DMD: variants seen among roughly 807,000 people sequenced by gnomAD.
DMD encodes mutant dystrophin.
Under a neutral mutation model 330.1 loss-of-function variants are expected in DMD, and 63 were observed. That is an observed-to-expected ratio of 0.19 (90% CI 0.16 to 0.24). The LOEUF is 0.24. Ranked by LOEUF, DMD falls within the 10% of genes least tolerant of loss-of-function variation. The pLI is 1.00. For synonymous variants in DMD, 1,223 were observed against 959.8 expected (o/e 1.27, Z -5.07); for missense variants, 3,344 against 2,684.1 (o/e 1.25, Z -5.43).
At chrX:33,071,126 A>C (rs55653238) in intron 1 of DMD, among the ~76,000 whole-genome samples, 5,761 of 111,001 alleles carry the variant, frequency 0.052, 296 homozygotes, top group African/African-American at 0.15. Flanking sequence ...CAAGTTACTC[A>C]ACCTCTTTGT....
chrX:32,192,839 A>G (rs960938284), intron 44 of DMD, among the ~76,000 whole-genome samples: 3 of 112,235 alleles, frequency 2.7e-5, no homozygotes, highest in African/African-American at 9.7e-5. Context: ...TCTACAAAGT[A>G]AAATCACTGT....
chrX:33,186,213 G>A (rs2050256049), intron 1 of DMD, among the ~76,000 whole-genome samples: 1 of 111,982 alleles, frequency 8.9e-6, no homozygotes. Context: ...CTCATTCTGA[G>A]CTACTGCTTT....
intron 47 of DMD, among the ~76,000 whole-genome samples, chrX:31,929,111 GA>G (rs1163985067): frequency 4.5e-5 from 5 of 111,877 alleles, no homozygotes; most frequent in African/African-American, 1.6e-4. Flanking sequence ...ATGCAAGGTG[GA>G]AAGATGAAAA....
intron 1 of DMD, among the ~76,000 whole-genome samples, chrX:33,186,112 A>T (rs1294401800): frequency 8.9e-6 from 1 of 111,757 alleles, no homozygotes; most frequent in Non-Finnish European, 1.9e-5. Flanking sequence ...AATATCAGGG[A>T]GTCTGCTATC....
At chrX:33,278,337 T>C (rs1364080740) in intron 1 of DMD, among the ~76,000 whole-genome samples, 1 of 110,508 alleles carries the variant, frequency 9.0e-6, no homozygotes, top group Non-Finnish European at 1.9e-5. Context: ...CCTTCCTCCC[T>C]CCCCTCGATT....
chrX:33,004,598 T>C (rs909062109), intron 2 of DMD, among the ~76,000 whole-genome samples: 1 of 111,868 alleles, frequency 8.9e-6, no homozygotes, highest in African/African-American at 3.2e-5. Flanking sequence ...ATTTTTAGTG[T>C]TTTTCTGGTT....
intron 51 of DMD, among the ~76,000 whole-genome samples, chrX:31,741,094 T>C (rs948112578): frequency 9.8e-5 from 11 of 111,905 alleles, no homozygotes; most frequent in African/African-American, 3.6e-4. Flanking sequence ...AGTTTTACCT[T>C]GAGATTACAG....
intron 62 of DMD, among the ~76,000 whole-genome samples, chrX:31,300,709 G>C (rs1228662337): frequency 8.9e-6 from 1 of 112,039 alleles, no homozygotes; most frequent in Non-Finnish European, 1.9e-5. Context: ...AGTTGTCTAG[G>C]TGGTGATGGG....
intron 44 of DMD, among the ~76,000 whole-genome samples, chrX:31,988,783 C>CTCTG (rs2095529387): frequency 9.1e-6 from 1 of 109,318 alleles, no homozygotes; most frequent in Non-Finnish European, 1.9e-5. Flanking sequence ...TCATTTCTCT[C>CTCTG]TCTGTCTCTC....
chrX:31,160,608 T>G (rs2038693696), intron 74 of DMD, among the ~76,000 whole-genome samples: 1 of 111,986 alleles, frequency 8.9e-6, no homozygotes, highest in African/African-American at 3.2e-5. Context: ...AACATGAGGT[T>G]AGACAAAGCT....
intron 64 of DMD, among the ~76,000 whole-genome samples, chrX:31,219,984 G>A (rs1290854533): frequency 9.0e-6 from 1 of 110,775 alleles, no homozygotes; most frequent in Admixed American, 9.6e-5. Context: ...AATACGTTTC[G>A]ATACACAATA....
rs776810166 is a variant in DMD at position 32,407,191 on chromosome X, C to T, written c.4233+4561G>A. 1.4e-4 allele frequency among the ~76,000 whole-genome samples: 16 copies of T among 111,196 alleles called. No homozygotes were observed. In the East Asian group the frequency reaches 4.6e-3, roughly 32 times the overall value. On this transcript the variant is annotated intron_variant, in intron 30 of 78. Transcript: ENST00000357033. The stretch of plus-strand genomic sequence containing the variant: ...ACTACCATCAGAGTGAACAGGCAAC[C>T]TACAGAATGGGAGAAGATTTTCGCA...
At chrX:31,229,377 A>G (rs1161494777) in intron 63 of DMD, among the ~76,000 whole-genome samples, 1 of 112,023 alleles carries the variant, frequency 8.9e-6, no homozygotes, top group Non-Finnish European at 1.9e-5. Flanking sequence ...TAAAACAAGG[A>G]GTGTTTTAGT....
chrX:32,335,823 T>C (rs902532254), intron 41 of DMD, among the ~76,000 whole-genome samples: 14 of 105,555 alleles, frequency 1.3e-4, no homozygotes, highest in African/African-American at 4.5e-4. Context: ...ATGTATAACA[T>C]GTTATATATA....
intron 44 of DMD, among the ~76,000 whole-genome samples, chrX:31,988,585 C>G (rs1486185638): frequency 9.2e-6 from 1 of 108,328 alleles, no homozygotes; most frequent in Non-Finnish European, 1.9e-5. Context: ...GCCTCCATAG[C>G]ATATTAATTT....
In DMD at chrX:33,188,584, A is replaced by G. The variant is rs185582481; in HGVS notation, c.31+22698T>C. On this transcript the variant is annotated intron_variant, in intron 1 of 78. Transcript: ENST00000357033. ...GTCGGGTCACAGGAAGAGTGGGAAG[A>G]GAACAGCAAAGCCCCAAGTTATTTT... 8.1e-5 allele frequency among the ~76,000 whole-genome samples: 9 copies of G among 111,329 alleles called. No individual in the cohort carries two copies. The East Asian group carries it at 2.6e-3, about 32-fold the overall frequency.
intron 16 of DMD, among the ~76,000 whole-genome samples, chrX:32,564,652 T>C (rs192614038): frequency 2.9e-3 from 323 of 112,258 alleles, no homozygotes; most frequent in African/African-American, 9.9e-3. Flanking sequence ...CAAATTATAA[T>C]TTTTTAACGT....
intron 44 of DMD, among the ~76,000 whole-genome samples, chrX:32,024,298 A>C (rs1346551007): frequency 9.1e-6 from 1 of 109,803 alleles, no homozygotes; most frequent in Admixed American, 9.7e-5. Flanking sequence ...CAGCCTGGTC[A>C]ACATGGTGAA....
chrX:32,364,483 TTTACTC>T, intron 36 of DMD, 93 bp downstream of exon 36: 1 of 977,275 alleles, frequency 1.0e-6, no homozygotes, highest in Non-Finnish European at 1.4e-6. Flanking sequence ...AAAGGATTGT[TTTACTC>T]TTATTAAGAC....
Sources: allele counts gnomAD v4.1 joint callset (sites outside exome capture counted in the v4.1 genomes callset), GRCh38; gene constraint gnomAD v4.1.1; transcripts MANE v1.5; gene names NCBI Gene and HGNC (gene_info 2026-07-23, HGNC 2026-07-21).